The following RBFOX1 variants were observed in gnomAD, a reference collection of about 807,000 sequenced individuals.
RBFOX1 encodes RNA binding fox-1 homolog 1.
Under a neutral mutation model 57.7 loss-of-function variants are expected in RBFOX1, and 8 were observed. That is an observed-to-expected ratio of 0.14 (90% confidence interval 0.08 to 0.25). The LOEUF is 0.25. RBFOX1 is among the 10% of genes least tolerant of loss of function. The pLI is 1.00. For missense variants in RBFOX1, 611 were observed against 548.5 expected (o/e 1.11, Z -1.14); for synonymous variants, 326 against 222.4 (o/e 1.47, Z -4.15).
chr16:7,264,961 A>G (rs1466919971), intron 4 of RBFOX1, among the ~76,000 whole-genome samples: 1 of 152,218 alleles, frequency 6.6e-6, no homozygotes, highest in African/African-American at 2.4e-5. Context: ...CCATGACTCA[A>G]TGCCACCAAG....
At chr16:5,489,972 C>T (rs1346895183) in intron 2 of RBFOX1, among the ~76,000 whole-genome samples, 2 of 152,200 alleles carry the variant, frequency 1.3e-5, no homozygotes, top group East Asian at 1.9e-4. Context: ...AGACCCAGGC[C>T]TGGCCTGTTA....
rs563359800 is a variant in RBFOX1 at position 6,376,905 on chromosome 16, A to T, written c.-64+59848A>T. Among the ~76,000 whole-genome samples, 52 of 151,928 alleles carry T rather than the reference A, an allele frequency of 3.4e-4. 1 individual carries two copies. Among genetic ancestry groups the T allele is most frequent in the East Asian group, 7.8e-4 (4 of 5,146 alleles). On this transcript the variant is annotated intron_variant, in intron 2 of 15. Transcript: ENST00000550418. ...CTCAGCTTCGAGATGTGTCACTCCA[A>T]TCTCTGGCTTGGGTATCACATAGCC...
chr16:5,775,409 G>A (rs180696053), intron 3 of RBFOX1, among the ~76,000 whole-genome samples: 1 of 152,194 alleles, frequency 6.6e-6, no homozygotes, highest in Non-Finnish European at 1.5e-5. Context: ...TGCGTTGGAG[G>A]GACTGATGCA....
intron 3 of RBFOX1, among the ~76,000 whole-genome samples, chr16:5,820,444 T>C (rs956608843): frequency 2.6e-5 from 4 of 152,126 alleles, no homozygotes; most frequent in Non-Finnish European, 5.9e-5. Context: ...GGCTGGACCG[T>C]GCCGGGATTG....
At chr16:6,527,624 A>AC (rs1199631779) in intron 2 of RBFOX1, among the ~76,000 whole-genome samples, 2 of 152,172 alleles carry the variant, frequency 1.3e-5, no homozygotes, top group African/African-American at 2.4e-5. Flanking sequence ...TGATGTGGAA[A>AC]CCCCCTTATC....
chr16:6,727,556 C>T (rs565168217), intron 3 of RBFOX1, among the ~76,000 whole-genome samples: 94 of 152,106 alleles, frequency 6.2e-4, no homozygotes, highest in Non-Finnish European at 1.0e-3. Context: ...GAGAGGGAAC[C>T]GTACAAACAG....
chr16:7,330,852 G>T (rs544612083), intron 4 of RBFOX1, among the ~76,000 whole-genome samples: 1 of 152,110 alleles, frequency 6.6e-6, no homozygotes, highest in Non-Finnish European at 1.5e-5. Flanking sequence ...GAAAGCAGAC[G>T]GGAGAGACAC....
chr16:7,390,126 C>A (rs951666997), intron 4 of RBFOX1, among the ~76,000 whole-genome samples: 1 of 152,104 alleles, frequency 6.6e-6, no homozygotes, highest in African/African-American at 2.4e-5. Flanking sequence ...GGGCTACATA[C>A]TTTCAAACAA....
chr16:5,332,142 T>G (rs2151276169), intron 1 of RBFOX1, among the ~76,000 whole-genome samples: 1 of 152,342 alleles, frequency 6.6e-6, no homozygotes, highest in Admixed American at 6.5e-5. Flanking sequence ...CCTTTCTCCT[T>G]GGCTTCTCTT....
chr16:5,432,886 G>T (rs1287614545), intron 1 of RBFOX1, among the ~76,000 whole-genome samples: 1 of 151,980 alleles, frequency 6.6e-6, no homozygotes, highest in Non-Finnish European at 1.5e-5. Flanking sequence ...CCCAGGTTCA[G>T]GTGATCCTCC....
chr16:6,211,945 G>A (rs1302813918), intron 1 of RBFOX1, among the ~76,000 whole-genome samples: 5 of 152,096 alleles, frequency 3.3e-5, no homozygotes, highest in African/African-American at 7.2e-5. Context: ...TGCCTCCCAG[G>A]TTCAAGTAAT....
At chr16:6,483,771 C>A (rs971912461) in intron 2 of RBFOX1, 1 of 1,413,170 alleles carries the variant, frequency 7.1e-7, no homozygotes, top group East Asian at 2.6e-5. Context: ...AGCCGCTGTC[C>A]AACGTTAGCG....
chr16:5,820,887 T>C (rs9924340), intron 3 of RBFOX1, among the ~76,000 whole-genome samples: 2 of 152,144 alleles, frequency 1.3e-5, no homozygotes, highest in Non-Finnish European at 2.9e-5. Flanking sequence ...TCCTCTCTGA[T>C]TGATGGTTTT....
chr16:5,483,771 T>G (rs1363002823), intron 2 of RBFOX1, among the ~76,000 whole-genome samples: 2 of 152,304 alleles, frequency 1.3e-5, no homozygotes, highest in South Asian at 2.1e-4. Flanking sequence ...AGCTTAGCGG[T>G]TTAAAACAAC....
At chr16:6,317,880 T>C (rs1052066117) in intron 2 of RBFOX1, among the ~76,000 whole-genome samples, 1 of 152,176 alleles carries the variant, frequency 6.6e-6, no homozygotes, top group Non-Finnish European at 1.5e-5. Flanking sequence ...GAAATATTTA[T>C]TTTTCAAGAT....
intron 1 of RBFOX1, among the ~76,000 whole-genome samples, chr16:5,388,285 G>T (rs1026610544): frequency 6.6e-6 from 1 of 152,142 alleles, no homozygotes; most frequent in Non-Finnish European, 1.5e-5. Flanking sequence ...ACATCCCTTG[G>T]TTGGGTTGGG....
intron 2 of RBFOX1, among the ~76,000 whole-genome samples, chr16:6,541,660 G>A (rs896197589): frequency 5.3e-5 from 8 of 152,196 alleles, no homozygotes. Context: ...AAATTTAATT[G>A]TAGGAAGAGC....
intron 4 of RBFOX1, among the ~76,000 whole-genome samples, chr16:7,298,387 C>A (rs150608606): frequency 1.4e-5 from 2 of 144,846 alleles, no homozygotes; most frequent in African/African-American, 5.2e-5. Flanking sequence ...CTCCTGGGTT[C>A]AAGTGATTCT....
intron 1 of RBFOX1, among the ~76,000 whole-genome samples, chr16:6,248,986 A>C (rs1184005399): frequency 6.6e-6 from 1 of 152,200 alleles, no homozygotes; most frequent in Admixed American, 6.5e-5. Context: ...AGACAGCCAC[A>C]GTCTGCCTCC....
Sources: allele counts gnomAD v4.1 joint callset (sites outside exome capture counted in the v4.1 genomes callset), GRCh38; gene constraint gnomAD v4.1.1; transcripts MANE v1.5; gene names NCBI Gene and HGNC (gene_info 2026-07-23, HGNC 2026-07-21).